RPAP2: variants seen among roughly 807,000 people sequenced by gnomAD.
RPAP2 encodes putative RNA polymerase II subunit B1 CTD phosphatase RPAP2.
A neutral mutation model predicts 73.1 loss-of-function variants in RPAP2; 52 were observed. That is an observed-to-expected ratio of 0.71 (90% CI 0.57 to 0.90). RPAP2 has a LOEUF of 0.90. Among genes scored for constraint, RPAP2 ranks in the 40% least tolerant of loss-of-function variants. The pLI is 0.00. For missense variants in RPAP2, 598 were observed against 701.8 expected (o/e 0.85, Z 1.67); for synonymous variants, 225 against 242.1 (o/e 0.93, Z 0.65).
At chr1:92,373,199 T>C (rs1179272780) in intron 11 of RPAP2, among the ~76,000 whole-genome samples, 2 of 148,584 alleles carry the variant, frequency 1.3e-5, no homozygotes, top group East Asian at 4.0e-4. Context: ...GATGGATTTT[T>C]AGAGGGAAAG....
rs193218044 is a variant in RPAP2 at position 92,312,599 on chromosome 1, C to T, written c.488+5323C>T. ...CTATCCATAAGAAGCAGCTGTATAT[C>T]CGTTCAAGTTGGATTATGAGATTGA... On this transcript the variant is annotated intron_variant, in intron 6 of 12. Coordinates refer to ENST00000610020, the MANE Select transcript of RPAP2 (RefSeq NM_024813.3). Among the ~76,000 whole-genome samples, 5 of 152,238 alleles carry T rather than the reference C, an allele frequency of 3.3e-5. No homozygotes were observed. The East Asian group carries it at 9.7e-4, about 29-fold the overall frequency.
intron 11 of RPAP2, among the ~76,000 whole-genome samples, chr1:92,350,521 T>C (rs1480658734): frequency 6.6e-6 from 1 of 152,242 alleles, no homozygotes; most frequent in Non-Finnish European, 1.5e-5. Flanking sequence ...AAAGGTACTA[T>C]ATAGTGAAAT....
chr1:92,346,430 C>T (rs1653904721), intron 11 of RPAP2, among the ~76,000 whole-genome samples: 1 of 152,130 alleles, frequency 6.6e-6, no homozygotes, highest in South Asian at 2.1e-4. Flanking sequence ...TCCCAAACTG[C>T]TAGGATTATA....
At chr1:92,360,570 G>C (rs1428936895) in intron 11 of RPAP2, among the ~76,000 whole-genome samples, 1 of 152,166 alleles carries the variant, frequency 6.6e-6, no homozygotes, top group African/African-American at 2.4e-5. Context: ...GGAAGAACTA[G>C]AGGGTAACTG....
intron 12 of RPAP2, among the ~76,000 whole-genome samples, chr1:92,385,665 A>G (rs1655835804): frequency 6.6e-6 from 1 of 152,226 alleles, no homozygotes; most frequent in South Asian, 2.1e-4. Context: ...GTTGTGAATA[A>G]CAGAAAAAAA....
At chr1:92,369,364 G>T (rs151094976) in intron 11 of RPAP2, among the ~76,000 whole-genome samples, 13 of 152,256 alleles carry the variant, frequency 8.5e-5, no homozygotes, top group Non-Finnish European at 1.9e-4. Flanking sequence ...TGATCATAGC[G>T]CACTGTAAAC....
At chr1:92,357,094 T>TACACACACACACACACACAC (rs34488806) in intron 11 of RPAP2, among the ~76,000 whole-genome samples, 2 of 144,756 alleles carry the variant, frequency 1.4e-5, no homozygotes, top group African/African-American at 5.1e-5. Flanking sequence ...AAGGATTACA[T>TACACACACACACACACACAC]ACACACACAC....
chr1:92,391,839 G>C lies in RPAP2; in HGVS notation c.*4828G>C, dbSNP rs953516323. 1 of 152,128 alleles carries C rather than the reference G, an allele frequency of 6.6e-6. No individual in the cohort carries two copies. Among genetic ancestry groups the C allele is most frequent in the Non-Finnish European group, 1.5e-5 (1 of 68,038 alleles). The allele number at this position is 152,128 out of a possible 1,614,324, so 9.4% of individuals were successfully genotyped here. On this transcript the variant is annotated 3_prime_UTR_variant, in exon 13 of 13. Coordinates refer to ENST00000610020, the MANE Select transcript of RPAP2 (RefSeq NM_024813.3). ...CCTCCCAAGACTAAACCAGGAAGAA[G>C]TTGAATCTCTGAATAAACCAGTAAC...
chr1:92,309,838 C>T (rs988879043), intron 6 of RPAP2, among the ~76,000 whole-genome samples: 6 of 152,006 alleles, frequency 3.9e-5, no homozygotes, highest in African/African-American at 1.2e-4. Flanking sequence ...ATTTGGGAAA[C>T]GAGAAGATAA....
In RPAP2 at chr1:92,393,225, T is replaced by C. The variant is rs1242954896; in HGVS notation, c.*6214T>C. The stretch of plus-strand genomic sequence containing the variant: ...TGACAAACCTGACACACACAAGCAA[T>C]GGGGAAAAGATTCCCTATTTAATAA... On this transcript the variant is annotated 3_prime_UTR_variant, in exon 13 of 13. Coordinates refer to ENST00000610020, the MANE Select transcript of RPAP2 (RefSeq NM_024813.3). 6.6e-6 allele frequency: 1 copy of C among 152,134 alleles called. No homozygotes were observed. The highest frequency in any genetic ancestry group is 2.4e-5 in the African/African-American group (1 of 41,422). 9.4% of individuals were successfully genotyped at this position (152,134 alleles called of 1,614,324 possible). A position where few individuals can be genotyped will look rare whatever the true frequency, so the allele number is the denominator to read the frequency against.
At chr1:92,373,774 G>A (rs942114259) in intron 11 of RPAP2, among the ~76,000 whole-genome samples, 161 of 107,030 alleles carry the variant, frequency 1.5e-3, no homozygotes, top group African/African-American at 5.2e-3. Flanking sequence ...AAAAAAAGTA[G>A]CCAGGCGTGG....
intron 8 of RPAP2, among the ~76,000 whole-genome samples, chr1:92,331,351 C>T (rs1203717340): frequency 6.6e-6 from 1 of 152,120 alleles, no homozygotes; most frequent in Non-Finnish European, 1.5e-5. Flanking sequence ...AATTGGTATA[C>T]AGTATTTGGG....
rs116444251 is a variant in RPAP2, at chr1:92,332,323, G to A, written c.1456-1068G>A. Reference sequence around the variant, plus strand: ...TAGGGTTTTCATTTTGTTATTTTATGTAGTTTCCAATTATCTGTCAAAAAT... The same window carrying A: ...TAGGGTTTTCATTTTGTTATTTTATATAGTTTCCAATTATCTGTCAAAAAT... On this transcript the variant is annotated intron_variant, in intron 8 of 12. Coordinates refer to ENST00000610020, the MANE Select transcript of RPAP2 (RefSeq NM_024813.3). Among the ~76,000 whole-genome samples, 1,186 of 151,772 alleles carry A rather than the reference G, an allele frequency of 7.8e-3. 6 individuals are homozygous for A. The highest frequency in any genetic ancestry group is 0.027 in the African/African-American group (1,137 of 41,422).
intron 8 of RPAP2, among the ~76,000 whole-genome samples, chr1:92,330,087 GA>G (rs1652870600): frequency 6.6e-6 from 1 of 152,154 alleles, no homozygotes; most frequent in African/African-American, 2.4e-5. Flanking sequence ...GACCAAGTGG[GA>G]ATGACTCTTC....
At chr1:92,376,582 C>T (rs1417691376) in intron 11 of RPAP2, among the ~76,000 whole-genome samples, 5 of 152,194 alleles carry the variant, frequency 3.3e-5, no homozygotes, top group Non-Finnish European at 5.9e-5. Flanking sequence ...ATATTCTTGT[C>T]TCCACCAGAC....
chr1:92,358,181 CTT>C (rs1386440920), intron 11 of RPAP2, among the ~76,000 whole-genome samples: 1 of 152,200 alleles, frequency 6.6e-6, no homozygotes, highest in Non-Finnish European at 1.5e-5. Context: ...TAAAGAAAAA[CTT>C]TTTATTGTGG....
chr1:92,300,336 G>C, intron 2 of RPAP2, 97 bp downstream of exon 2: 1 of 906,432 alleles, frequency 1.1e-6, no homozygotes, highest in Non-Finnish European at 1.7e-6. Flanking sequence ...TTTTTTTTTA[G>C]AGAAAATTAT....
rs188749830 is a variant in RPAP2 at position 92,334,942 on chromosome 1, C to T, written c.1539-1405C>T. Among the ~76,000 whole-genome samples, 13 of 152,166 alleles carry T rather than the reference C, an allele frequency of 8.5e-5. No homozygotes were observed. The East Asian group carries it at 2.1e-3, about 25-fold the overall frequency. On this transcript the variant is annotated intron_variant, in intron 9 of 12. Coordinates refer to ENST00000610020, the MANE Select transcript of RPAP2 (RefSeq NM_024813.3). ...GGCGGAGCTTGCAGTGAGCCAAGAT[C>T]GCACCACTGCACTCCAGCCTGAGCA...
At chr1:92,343,328 G>A (rs1313573972) in intron 10 of RPAP2, among the ~76,000 whole-genome samples, 2 of 152,196 alleles carry the variant, frequency 1.3e-5, no homozygotes, top group Non-Finnish European at 2.9e-5. Context: ...AGAACCCTGT[G>A]AGGTGGGTGA....
Sources: allele counts gnomAD v4.1 joint callset (sites outside exome capture counted in the v4.1 genomes callset), GRCh38; gene constraint gnomAD v4.1.1; transcripts MANE v1.5; gene names NCBI Gene and HGNC (gene_info 2026-07-23, HGNC 2026-07-21).